Variants in KIF26B observed in about 807,000 individuals in gnomAD.
KIF26B encodes kinesin family member 26B.
Under a neutral mutation model 151.2 loss-of-function variants are expected in KIF26B, and 63 were observed. The observed-to-expected ratio is 0.42, with a 90% CI of 0.34 to 0.51. KIF26B has a LOEUF of 0.51. Ranked by LOEUF, KIF26B falls within the 20% of genes least tolerant of loss-of-function variation. The pLI, the probability that KIF26B is intolerant of heterozygous loss-of-function variation, is 0.07. For missense variants in KIF26B, 2,813 were observed against 2,913.6 expected (o/e 0.97, Z 0.79); for synonymous variants, 1,357 against 1,262.1 (o/e 1.08, Z -1.59).
intron 2 of KIF26B, among the ~76,000 whole-genome samples, chr1:245,188,471 G>A (rs780404817): frequency 2.6e-5 from 4 of 152,052 alleles, no homozygotes; most frequent in Non-Finnish European, 5.9e-5. Context: ...TGACTGAATA[G>A]CTCAATTCAG....
rs541489082 is a variant in KIF26B, at chr1:245,360,250, T to C, written c.466-6584T>C. ...ATGTTCCCTTCTTTATCATCCTCTC[T>C]GTTCTTAATTGCAAAAGCGCCAAAT... On this transcript the variant is annotated intron_variant, in intron 2 of 14. Coordinates refer to ENST00000407071, the MANE Select transcript of KIF26B (RefSeq NM_018012.4). 3.3e-5 allele frequency among the ~76,000 whole-genome samples: 5 copies of C among 152,288 alleles called. 1 individual carries two copies. Among genetic ancestry groups the C allele is most frequent in the African/African-American group, 1.2e-4 (5 of 41,564 alleles).
intron 14 of KIF26B, among the ~76,000 whole-genome samples, chr1:245,701,608 T>C (rs1467520607): frequency 6.6e-6 from 1 of 152,194 alleles, no homozygotes; most frequent in Admixed American, 6.5e-5. Flanking sequence ...GGCATCGTTT[T>C]CAAATCAAGT....
chr1:245,605,537 C>A (rs2043442173), intron 6 of KIF26B, among the ~76,000 whole-genome samples: 1 of 152,178 alleles, frequency 6.6e-6, no homozygotes, highest in South Asian at 2.1e-4. Context: ...GCCATATGAC[C>A]CTTCAGTGGC....
At chr1:245,499,715 T>A (rs1200284529) in intron 4 of KIF26B, among the ~76,000 whole-genome samples, 1 of 152,230 alleles carries the variant, frequency 6.6e-6, no homozygotes, top group African/African-American at 2.4e-5. Context: ...AGCTCAGTAG[T>A]GCGCATGGCA....
chr1:245,656,543 A>T (rs1383000903), intron 10 of KIF26B, among the ~76,000 whole-genome samples: 1 of 152,240 alleles, frequency 6.6e-6, no homozygotes. Flanking sequence ...CAGCCAGAGA[A>T]GGAGGGCTTT....
chr1:245,337,604 C>G (rs554721741), intron 2 of KIF26B, among the ~76,000 whole-genome samples: 1 of 151,222 alleles, frequency 6.6e-6, no homozygotes, highest in South Asian at 2.1e-4. Flanking sequence ...CTTTGGTTCA[C>G]GAATGTAGTC....
At position 245,586,199 on chromosome 1, in the gene KIF26B, T is replaced by TGTGTG. The variant is rs1440046570; in HGVS notation, c.1351-16378_1351-16377insGTGTG. 1.9e-3 allele frequency among the ~76,000 whole-genome samples: 229 copies of TGTGTG among 118,782 alleles called. 3 individuals are homozygous for TGTGTG. The highest frequency in any genetic ancestry group is 7.4e-3 in the African/African-American group (219 of 29,400). 77.9% of individuals were successfully genotyped at this position (118,782 alleles called of 152,430 possible). A position where few individuals can be genotyped will look rare whatever the true frequency, so the allele number is the denominator to read the frequency against. The stretch of plus-strand genomic sequence containing the variant: ...TGTGTGTGTGTGTGTGTGTGTGTGT[T>TGTGTG]TGTTTTAATAGAGACGGGGTCTTGC... On this transcript the variant is annotated intron_variant, in intron 5 of 14. Coordinates refer to ENST00000407071, the MANE Select transcript of KIF26B (RefSeq NM_018012.4).
At chr1:245,331,330 GA>G (rs1348714317) in intron 2 of KIF26B, among the ~76,000 whole-genome samples, 4 of 151,894 alleles carry the variant, frequency 2.6e-5, no homozygotes, top group Admixed American at 2.6e-4. Flanking sequence ...CACAAGCTGA[GA>G]AAAATGACAG....
chr1:245,282,247 T>G (rs1447113604), intron 2 of KIF26B, among the ~76,000 whole-genome samples: 2 of 152,084 alleles, frequency 1.3e-5, no homozygotes, highest in African/African-American at 2.4e-5. Flanking sequence ...AAAACTACTT[T>G]AAAGTTCATA....
intron 2 of KIF26B, among the ~76,000 whole-genome samples, chr1:245,282,422 C>A (rs1671073840): frequency 6.6e-6 from 1 of 152,304 alleles, no homozygotes; most frequent in Non-Finnish European, 1.5e-5. Flanking sequence ...CTTTGATATG[C>A]AAATGGAAGC....
intron 2 of KIF26B, among the ~76,000 whole-genome samples, chr1:245,206,975 CTGAATTAGCA>C (rs746025915): frequency 3.0e-4 from 46 of 152,136 alleles, no homozygotes; most frequent in Non-Finnish European, 5.1e-4. Context: ...ATGATCAAGT[CTGAATTAGCA>C]TGATGATATT....
chr1:245,644,884 C>T (rs970104647), intron 9 of KIF26B, among the ~76,000 whole-genome samples: 1 of 152,178 alleles, frequency 6.6e-6, no homozygotes, highest in Admixed American at 6.5e-5. Flanking sequence ...TTATTCTGCT[C>T]ACAGTTCTGC....
intron 3 of KIF26B, among the ~76,000 whole-genome samples, chr1:245,393,810 G>A (rs1673757351): frequency 6.6e-6 from 1 of 152,170 alleles, no homozygotes; most frequent in South Asian, 2.1e-4. Flanking sequence ...CTTGTTTTTG[G>A]TTTCCTGCTT....
At chr1:245,482,695 G>A (rs1198856955) in intron 4 of KIF26B, among the ~76,000 whole-genome samples, 3 of 151,718 alleles carry the variant, frequency 2.0e-5, no homozygotes, top group Non-Finnish European at 3.0e-5. Context: ...TGCTGTGGAG[G>A]TTCGATGAAT....
intron 5 of KIF26B, among the ~76,000 whole-genome samples, chr1:245,571,817 C>T (rs2043068707): frequency 6.6e-6 from 1 of 152,100 alleles, no homozygotes; most frequent in Admixed American, 6.5e-5. Flanking sequence ...GGACATTCAT[C>T]CTTCTCTGTC....
At chr1:245,693,224 G>A (rs115988161) in intron 12 of KIF26B, among the ~76,000 whole-genome samples, 245 of 152,252 alleles carry the variant, frequency 1.6e-3, no homozygotes, top group Admixed American at 4.1e-3. Context: ...CCACCACAGG[G>A]AGGCTCAGCA....
chr1:245,215,292 C>T (rs183462410), intron 2 of KIF26B, among the ~76,000 whole-genome samples: 5 of 152,224 alleles, frequency 3.3e-5, no homozygotes, highest in East Asian at 3.9e-4. Context: ...CTCCAGCCAG[C>T]GGCCCCAGCA....
Position 245,686,297 on chromosome 1 carries a change from C to T in KIF26B, c.3314C>T (p.Pro1105Leu). 1.2e-6 allele frequency: 2 copies of T among 1,613,108 alleles called. No homozygotes were observed. Among genetic ancestry groups the T allele is most frequent in the Non-Finnish European group, 1.7e-6 (2 of 1,179,872 alleles). Residue 1105 changes from proline to leucine, a missense_variant, in exon 12 of 15, where the codon CCT becomes CTT. By Grantham distance (98) the Pro-to-Leu change is moderately conservative. Coordinates refer to ENST00000407071, the MANE Select transcript of KIF26B (RefSeq NM_018012.4). The surrounding 1 kb of genome is among the most constrained non-coding windows in gnomAD (Gnocchi z 5.6). ...KGVLPSPAPLPPSSKDSGVAS... is the reference protein window; with the variant it reads ...KGVLPSPAPLLPSSKDSGVAS... ...GTCCTGCCGTCTCCCGCCCCACTGCCTCCCTCGAGCAAGGATTCCGGCGTG... is the reference window on the plus strand; with the variant it reads ...GTCCTGCCGTCTCCCGCCCCACTGCTTCCCTCGAGCAAGGATTCCGGCGTG...
rs1034255790 is a variant in KIF26B at position 245,167,341 on chromosome 1, C to G, written c.465+10658C>G. Among the ~76,000 whole-genome samples, 1 of 152,020 alleles carries G rather than the reference C, an allele frequency of 6.6e-6. No homozygotes were observed. Among genetic ancestry groups the G allele is most frequent in the Non-Finnish European group, 1.5e-5 (1 of 68,002 alleles). ...GCTAATTCAGGATTTTTTTTCTGAGCTAACCTAGGAACCGATAGAACTTGA... is the reference window on the plus strand; with the variant it reads ...GCTAATTCAGGATTTTTTTTCTGAGGTAACCTAGGAACCGATAGAACTTGA... On this transcript the variant is annotated intron_variant, in intron 2 of 14. Transcript: ENST00000407071. This position sits in a 1 kb window ranked among gnomAD's most constrained non-coding sequence, Gnocchi z 4.2.
Sources: gnomAD v4.1 joint callset for allele counts (sites outside exome capture counted in the v4.1 genomes callset) on GRCh38, gnomAD v4.1.1 for gene constraint, Gnocchi (gnomAD v3.1) non-coding constraint, MANE v1.5 for transcripts, NCBI Gene and HGNC (gene_info 2026-07-23, HGNC 2026-07-21) for gene names.